The following HCFC2 variants were observed in gnomAD, a reference collection of about 807,000 sequenced individuals.
HCFC2 encodes the protein host cell factor C2.
In HCFC2, 18 loss-of-function variants were observed where a neutral mutation model predicts 89.2. The ratio of observed to expected loss-of-function variants is 0.20; its 90% CI spans 0.14 to 0.30. The LOEUF (loss-of-function observed/expected upper bound fraction) is 0.30. Ranked by LOEUF, HCFC2 falls within the 10% of genes least tolerant of loss-of-function variation. The probability of loss-of-function intolerance (pLI) is 1.00; values close to 1 mark genes in which losing one functional copy is unlikely to be tolerated. For synonymous variants in HCFC2, 308 were observed against 335.7 expected (o/e 0.92, Z 0.90); for missense variants, 578 against 956.1 (o/e 0.60, Z 5.21).
chr12:104,101,477 C>T (rs1433148260), intron 13 of HCFC2, among the ~76,000 whole-genome samples: 2 of 149,538 alleles, frequency 1.3e-5, no homozygotes, highest in East Asian at 2.0e-4. Context: ...AGTGAGACTC[C>T]GTCTCCAAAA....
At chr12:104,096,472 G>A in intron 12 of HCFC2, 39 bp downstream of exon 12, 1 of 1,384,978 alleles carries the variant, frequency 7.2e-7, no homozygotes, top group South Asian at 1.2e-5. Context: ...GTTTACACAT[G>A]ATTATGTACT....
At chr12:104,098,277 T>G in intron 12 of HCFC2, 66 bp from the exon 13 acceptor site, 1 of 1,349,132 alleles carries the variant, frequency 7.4e-7, no homozygotes, top group Non-Finnish European at 1.0e-6. Context: ...CATGGACTTA[T>G]TAAATCTTGA....
chr12:104,088,391 C>G (rs530350665), intron 9 of HCFC2, among the ~76,000 whole-genome samples: 3 of 152,268 alleles, frequency 2.0e-5, no homozygotes, highest in East Asian at 3.9e-4. Context: ...ATTATTTTGC[C>G]ATTTCTAAAT....
At chr12:104,072,622 G>T (rs988200503) in intron 3 of HCFC2, among the ~76,000 whole-genome samples, 1 of 151,430 alleles carries the variant, frequency 6.6e-6, no homozygotes, top group Non-Finnish European at 1.5e-5. Flanking sequence ...TATTCTTTTT[G>T]AGGATATTAT....
At chr12:104,070,948 G>A (rs538027331) in intron 3 of HCFC2, among the ~76,000 whole-genome samples, 2 of 152,082 alleles carry the variant, frequency 1.3e-5, no homozygotes, top group South Asian at 2.1e-4. Context: ...GGGACTACAG[G>A]CGTCTGCCAC....
chr12:104,074,226 C>A (rs2136600057), intron 3 of HCFC2, among the ~76,000 whole-genome samples: 1 of 152,326 alleles, frequency 6.6e-6, no homozygotes, highest in East Asian at 1.9e-4. Context: ...GCACCCTCGA[C>A]CTCCTAGGCT....
At chr12:104,087,529 G>T (rs1472814425) in intron 8 of HCFC2, among the ~76,000 whole-genome samples, 2 of 147,926 alleles carry the variant, frequency 1.4e-5, no homozygotes, top group Non-Finnish European at 3.0e-5. Context: ...TCTGTGATTA[G>T]GTTTGGTTTA....
Position 104,086,854 on chromosome 12 carries a change from A to T in HCFC2, c.1071A>T (p.Pro357=). The part of the protein sequence containing the change: ...KDLWYLDTEK[P]PAPSQVQLIK... ...ATCATGATTGTTCTATAGAGAAACC[A>T]CCGGCACCATCTCAAGTACAGCTGA... The change falls in exon 8 of 15, where the codon CCA becomes CCT. Residue 357 remains proline (P), a synonymous_variant. Coordinates refer to ENST00000229330, the MANE Select transcript of HCFC2 (RefSeq NM_013320.3). 6.2e-7 allele frequency: 1 copy of T among 1,613,620 alleles called. No homozygotes were observed.
At position 104,095,325 on chromosome 12, in the gene HCFC2, T is replaced by C. The variant is rs370084264; in HGVS notation, c.1463-35T>C. ...AAGACACAACAATTATCTGCAGATATCATATTAATAATTACCTTTTCCCTT... is the reference window on the plus strand; with the variant it reads ...AAGACACAACAATTATCTGCAGATACCATATTAATAATTACCTTTTCCCTT... On this transcript the variant is annotated intron_variant, in intron 10 of 14. Transcript: ENST00000229330. This position sits in a 1 kb window ranked among gnomAD's most constrained non-coding sequence, Gnocchi z 4.2. The C allele has an allele frequency of 1.6e-5, 24 of 1,463,172 alleles. No homozygotes were observed. The highest frequency in any genetic ancestry group is 2.8e-5 in the African/African-American group (2 of 71,764). 90.6% of individuals were successfully genotyped at this position (1,463,172 alleles called of 1,614,324 possible).
rs1184576382 is a variant in HCFC2, at chr12:104,068,513, A to G, written c.473+406A>G. Among the ~76,000 whole-genome samples the G allele has an allele frequency of 6.6e-6, 1 of 152,252 alleles. No homozygotes were observed. Among genetic ancestry groups the G allele is most frequent in the East Asian group, 1.9e-4 (1 of 5,206 alleles). ...GGAATTTGGCGACAAAACTCTGACT[A>G]TAAAATGAAAGCTATCATTTCCATG... On this transcript the variant is annotated intron_variant, in intron 3 of 14. Transcript: ENST00000229330. This position sits in a 1 kb window ranked among gnomAD's most constrained non-coding sequence, Gnocchi z 4.1.
At chr12:104,075,245 TTCTC>T (rs1223755640) in intron 3 of HCFC2, among the ~76,000 whole-genome samples, 2 of 151,900 alleles carry the variant, frequency 1.3e-5, no homozygotes, top group African/African-American at 4.8e-5. Flanking sequence ...ATAAAGACAA[TTCTC>T]TCTATCTTTA....
rs1237391387 is a variant in HCFC2, at chr12:104,104,737, T to A, written c.*1464T>A. On this transcript the variant is annotated 3_prime_UTR_variant, in exon 15 of 15. Coordinates refer to ENST00000229330, the MANE Select transcript of HCFC2 (RefSeq NM_013320.3). The stretch of plus-strand genomic sequence containing the variant: ...ACTGGGATTTTTATACTACAGTATT[T>A]GTAATTAATGTGTCTCACTAATTAA... 1 of 152,036 alleles carries A rather than the reference T, an allele frequency of 6.6e-6. No homozygotes were observed. The highest frequency in any genetic ancestry group is 6.5e-5 in the Admixed American group (1 of 15,268). The allele number at this position is 152,036 out of a possible 1,614,324, so 9.4% of individuals were successfully genotyped here.
chr12:104,070,310 G>T (rs748599817), intron 3 of HCFC2, among the ~76,000 whole-genome samples: 15 of 152,184 alleles, frequency 9.9e-5, no homozygotes, highest in Non-Finnish European at 4.4e-5. Flanking sequence ...TTACAGGCGT[G>T]AGCCACTGCG....
chr12:104,083,477 A>G (rs535432155), intron 7 of HCFC2, among the ~76,000 whole-genome samples: 4 of 152,364 alleles, frequency 2.6e-5, no homozygotes, highest in Admixed American at 1.3e-4. Flanking sequence ...AGACATTACA[A>G]CTGAATGTGA....
intron 13 of HCFC2, among the ~76,000 whole-genome samples, chr12:104,101,304 C>T (rs1044066086): frequency 5.9e-5 from 9 of 152,008 alleles, no homozygotes; most frequent in African/African-American, 2.2e-4. Flanking sequence ...GCCAGCATGG[C>T]GAAACCCCGT....
intron 14 of HCFC2, 137 bp from the exon 15 acceptor site, chr12:104,102,822 C>A (rs537180582): frequency 5.4e-6 from 4 of 735,420 alleles, no homozygotes; most frequent in Non-Finnish European, 8.3e-6. Context: ...TAAAAATCAA[C>A]AATAAAAGAT....
At position 104,064,778 on chromosome 12, in the gene HCFC2, G is replaced by GGAGGC; in HGVS notation, c.163+62_163+66dup. The GGAGGC allele has an allele frequency of 6.7e-7, 1 of 1,492,540 alleles. No individual in the cohort carries two copies. Among genetic ancestry groups the GGAGGC allele is most frequent in the Non-Finnish European group, 8.9e-7 (1 of 1,120,634 alleles). The allele number at this position is 1,492,540 out of a possible 1,614,324, so 92.5% of individuals were successfully genotyped here. On this transcript the variant is annotated intron_variant, in intron 1 of 14. Coordinates refer to ENST00000229330, the MANE Select transcript of HCFC2 (RefSeq NM_013320.3). This position sits in a 1 kb window ranked among gnomAD's most constrained non-coding sequence, Gnocchi z 7.3. ...CCTGCTGGAGCTGCGGAGGGGGAGG[G>GGAGGC]GAGGCGAGGCGGCGGCCGCGGCCCT...
intron 12 of HCFC2, 64 bp from the exon 13 acceptor site, chr12:104,098,279 A>G: frequency 7.3e-7 from 1 of 1,365,962 alleles, no homozygotes. Flanking sequence ...TGGACTTATT[A>G]AATCTTGAAA....
At chr12:104,101,930 G>A (rs1169419711) in intron 13 of HCFC2, 38 bp from the exon 14 acceptor site, 1 of 1,350,166 alleles carries the variant, frequency 7.4e-7, no homozygotes, top group African/African-American at 1.5e-5. Flanking sequence ...TATATTAGTT[G>A]TACCTTTTCT....
Sources: allele counts gnomAD v4.1 joint callset (sites outside exome capture counted in the v4.1 genomes callset), GRCh38; gene constraint gnomAD v4.1.1; non-coding constraint Gnocchi (gnomAD v3.1); transcripts MANE v1.5; gene names NCBI Gene and HGNC (gene_info 2026-07-23, HGNC 2026-07-21).